The following RNF139 variants were observed in gnomAD, a reference collection of about 807,000 sequenced individuals.
RNF139 encodes the protein ring finger protein 139.
RNF139 carries 15 observed loss-of-function variants against 49.5 expected under a neutral mutation model. The observed-to-expected ratio is 0.30, with a 90% confidence interval of 0.20 to 0.47. The LOEUF (loss-of-function observed/expected upper bound fraction) is 0.47. Ranked by LOEUF, RNF139 falls within the 20% of genes least tolerant of loss-of-function variation. The pLI is 1.00. For synonymous variants in RNF139, 325 were observed against 300.9 expected, an observed-to-expected ratio of 1.08 and a Z score of -0.83; for missense variants, 619 against 806.3, an observed-to-expected ratio of 0.77 and a Z score of 2.81.
At chr8:124,476,294 T>C (rs375624416) in intron 1 of RNF139, among the ~76,000 whole-genome samples, 6 of 152,352 alleles carry the variant, frequency 3.9e-5, no homozygotes, top group African/African-American at 1.4e-4. Context: ...ATTTATCTGG[T>C]ATTTTCCTTT....
rs1000278197 is a variant in RNF139, at chr8:124,488,316, G to A, written c.*672G>A. On this transcript the variant is annotated 3_prime_UTR_variant, in exon 2 of 2. Transcript: ENST00000303545. ...AAATTGTATATTTGTTAGCCATTCT[G>A]TGTCTGCAGTATTGTCATAAAATTG... Among the ~76,000 whole-genome samples the A allele has an allele frequency of 6.6e-6, 1 of 152,186 alleles. No individual in the cohort carries two copies. The highest frequency in any genetic ancestry group is 1.5e-5 in the Non-Finnish European group (1 of 68,022).
rs777779465 is a variant in RNF139 at position 124,487,043 on chromosome 8, G to A, written c.1394G>A (p.Arg465His). The A allele has an allele frequency of 8.7e-6, 14 of 1,613,836 alleles. No homozygotes were observed. Among genetic ancestry groups the A allele is most frequent in the South Asian group, 7.7e-5 (7 of 91,082 alleles). ...CTTGACGATTATGTCTACTACGTTC[G>A]TTCAACAGGCAGTATTATTGAATTT... ...EKLDDYVYYVRSTGSIIEFIF... is the reference protein window; with the variant it reads ...EKLDDYVYYVHSTGSIIEFIF... The change falls in exon 2 of 2, where the codon CGT (arginine) becomes CAT (histidine). Residue 465 changes from arginine (R) to histidine (H), a missense_variant. Around this residue, in one of 2 missense-constraint regions of RNF139, gnomAD observed 530 missense variants for 728.9 expected, o/e 0.73. Transcript: ENST00000303545.
chr8:124,486,957 T>C lies in RNF139; in HGVS notation c.1308T>C (p.Val436=), dbSNP rs1165629696. ...TGGAACTGTGCTTAAAAGTAATTGT[T>C]TCTCTCACTGTTTATACGTTATTCA... The part of the protein sequence containing the change: ...FCVELCLKVI[V]SLTVYTLFMI... Residue 436 remains valine, a synonymous_variant, in exon 2 of 2, where the codon GTT becomes GTC. Transcript: ENST00000303545. 6.2e-7 allele frequency: 1 copy of C among 1,614,108 alleles called. No individual in the cohort carries two copies. Among genetic ancestry groups the C allele is most frequent in the African/African-American group, 1.3e-5 (1 of 75,040 alleles).
intron 1 of RNF139, among the ~76,000 whole-genome samples, chr8:124,479,168 G>A (rs1204213197): frequency 1.3e-5 from 2 of 150,556 alleles, no homozygotes; most frequent in Non-Finnish European, 3.0e-5. Context: ...TCAGCACACT[G>A]CAACCTCCAC....
intron 1 of RNF139, among the ~76,000 whole-genome samples, chr8:124,483,053 C>A (rs80027151): frequency 0.55 from 10,828 of 19,680 alleles, 1,967 homozygotes; most frequent in Middle Eastern, 0.64. Context: ...AAAAATATAT[C>A]TATTAAAAAT....
intron 1 of RNF139, among the ~76,000 whole-genome samples, chr8:124,485,041 C>T (rs1816505703): frequency 6.6e-6 from 1 of 152,094 alleles, no homozygotes; most frequent in Non-Finnish European, 1.5e-5. Context: ...AAAACTTGAA[C>T]TTGATTTCCT....
At position 124,486,882 on chromosome 8, in the gene RNF139, G is replaced by C; in HGVS notation, c.1233G>C (p.Trp411Cys). 1 of 1,613,658 alleles carries C rather than the reference G, an allele frequency of 6.2e-7. No individual in the cohort carries two copies. Among genetic ancestry groups the C allele is most frequent in the Non-Finnish European group, 8.5e-7 (1 of 1,179,972 alleles). The change falls in exon 2 of 2, where the codon TGG (tryptophan) becomes TGC (cysteine). Residue 411 changes from tryptophan (W) to cysteine (C), a missense_variant. This residue lies in a region of RNF139 where 530 missense variants were observed against 728.9 expected (regional missense o/e 0.73). Coordinates refer to ENST00000303545, the MANE Select transcript of RNF139 (RefSeq NM_007218.4). The part of the protein sequence containing the change: ...ILPVLLSYVL[W>C]HHYALNTWLF... ...CTGTCTTACTCAGTTATGTTCTTTG[G>C]CATCACTATGCACTAAATACATGGT...
chr8:124,477,197 C>T (rs144371700), intron 1 of RNF139, among the ~76,000 whole-genome samples: 3 of 152,266 alleles, frequency 2.0e-5, no homozygotes, highest in Admixed American at 1.3e-4. Flanking sequence ...ATCTCTGGAT[C>T]AGACTTTGAG....
chr8:124,476,379 T>C (rs1331695666), intron 1 of RNF139, among the ~76,000 whole-genome samples: 1 of 152,232 alleles, frequency 6.6e-6, no homozygotes, highest in Non-Finnish European at 1.5e-5. Context: ...GGTGGTATTG[T>C]CATTTTACAA....
chr8:124,487,835 G>C lies in RNF139; in HGVS notation c.*191G>C. The C allele has an allele frequency of 5.4e-6, 3 of 557,080 alleles. No homozygotes were observed. Among genetic ancestry groups the C allele is most frequent in the South Asian group, 5.6e-5 (2 of 35,470 alleles). The allele number at this position is 557,080 out of a possible 1,614,324, so 34.5% of individuals were successfully genotyped here. A position where few individuals can be genotyped will look rare whatever the true frequency, so the allele number is the denominator to read the frequency against. The stretch of plus-strand genomic sequence containing the variant: ...TCTTTAATTACTTCTGGTCTCTTTG[G>C]TGACCTGTTTAAATTTGTGTACATT... On this transcript the variant is annotated 3_prime_UTR_variant, in exon 2 of 2. Transcript: ENST00000303545.
intron 1 of RNF139, among the ~76,000 whole-genome samples, chr8:124,475,547 C>T (rs1420891199): frequency 6.6e-6 from 1 of 152,206 alleles, no homozygotes; most frequent in African/African-American, 2.4e-5. Context: ...GATGTGTGAG[C>T]ATGCAGCTCT....
Position 124,486,518 on chromosome 8 carries a change from CTG to C in RNF139, c.871_872del (p.Val291ThrfsTer26), listed in dbSNP as rs1193350245. 1.2e-6 allele frequency: 2 copies of C among 1,614,054 alleles called. No homozygotes were observed. The highest frequency in any genetic ancestry group is 1.7e-6 in the Non-Finnish European group (2 of 1,180,024). ...ATTAGTGGGTGCGATTCTACACTAA[CTG>C]TACTGGGCATGAGTGCTGTAATTTC... On this transcript the variant is annotated frameshift_variant, in exon 2 of 2. Transcript: ENST00000303545. LOFTEE classifies it high-confidence loss of function.
At chr8:124,482,990 T>A (rs565556490) in intron 1 of RNF139, among the ~76,000 whole-genome samples, 80 of 95,078 alleles carry the variant, frequency 8.4e-4, no homozygotes, top group African/African-American at 3.7e-3. Flanking sequence ...ATATATATAT[T>A]TAAAAATATA....
intron 1 of RNF139, among the ~76,000 whole-genome samples, chr8:124,485,121 T>A (rs1175533046): frequency 6.6e-6 from 1 of 152,050 alleles, no homozygotes; most frequent in African/African-American, 2.4e-5. Context: ...TCCCAGCACT[T>A]TGGGAGGCAA....
rs2131294424 is a variant in RNF139 at position 124,474,903 on chromosome 8, C to CCGT, written c.-205_-204insTCG. The stretch of plus-strand genomic sequence containing the variant: ...CCAGAGACCTCCTGGGGAGCCGCCG[C>CCGT]CGCCGCCCTCTCGGCCATCGCTGCC... On this transcript the variant is annotated 5_prime_UTR_variant, in exon 1 of 2. Transcript: ENST00000303545. This position sits in a 1 kb window ranked among gnomAD's most constrained non-coding sequence, Gnocchi z 4.6. 2 of 329,844 alleles carry CCGT rather than the reference C, an allele frequency of 6.1e-6. No homozygotes were observed. The highest frequency in any genetic ancestry group is 2.2e-5 in the African/African-American group (1 of 46,040). 20.4% of individuals were successfully genotyped at this position (329,844 alleles called of 1,614,324 possible).
rs1355929139 is a variant in RNF139 at position 124,475,171 on chromosome 8, C to T, written c.62C>T (p.Ala21Val). Residue 21 changes from alanine to valine, a missense_variant, in exon 1 of 2, where the codon GCG becomes GTG. By Grantham distance (64) the Ala-to-Val change is moderately conservative. Transcript: ENST00000303545. ...VRMAHQQVWA[A>V]LEVALRVPCL... ...ATGGCCCATCAGCAGGTCTGGGCGGCGCTCGAAGTGGCGCTCCGGGTGCCC... is the reference window on the plus strand; with the variant it reads ...ATGGCCCATCAGCAGGTCTGGGCGGTGCTCGAAGTGGCGCTCCGGGTGCCC... 1.2e-6 allele frequency: 2 copies of T among 1,613,412 alleles called. No individual in the cohort carries two copies. The highest frequency in any genetic ancestry group is 1.3e-5 in the African/African-American group (1 of 75,034).
Position 124,474,997 on chromosome 8 carries a change from G to A in RNF139, c.-113G>A. ...GCTGGCCGTGAGAGAGACAGGAGAG[G>A]AAGGAGGGCAGGGGCGGAGTTGCCC... On this transcript the variant is annotated 5_prime_UTR_variant, in exon 1 of 2. Coordinates refer to ENST00000303545, the MANE Select transcript of RNF139 (RefSeq NM_007218.4). This position sits in a 1 kb window ranked among gnomAD's most constrained non-coding sequence, Gnocchi z 4.6. The A allele has an allele frequency of 1.7e-6, 1 of 599,130 alleles. No individual in the cohort carries two copies. Among genetic ancestry groups the A allele is most frequent in the South Asian group, 7.8e-5 (1 of 12,786 alleles). The allele number at this position is 599,130 out of a possible 1,614,324, so 37.1% of individuals were successfully genotyped here.
rs551510814 is a variant in RNF139 at position 124,478,706 on chromosome 8, T to A, written c.181+3416T>A. Reference sequence around the variant, plus strand: ...TTTACCTTTTTGAAATAGGTAAATTTATACAATTTTGGAAGACTTTTTTTT... The same window carrying A: ...TTTACCTTTTTGAAATAGGTAAATTAATACAATTTTGGAAGACTTTTTTTT... On this transcript the variant is annotated intron_variant, in intron 1 of 1. Transcript: ENST00000303545. Among the ~76,000 whole-genome samples the A allele has an allele frequency of 7.2e-5, 11 of 152,072 alleles. No homozygotes were observed. In the South Asian group the frequency reaches 2.1e-3, roughly 29 times the overall value.
rs118184842 is a variant in RNF139, at chr8:124,487,598, A to G, written c.1949A>G (p.Gln650Arg). Residue 650 changes from glutamine to arginine, a missense_variant, in exon 2 of 2, where the codon CAG (glutamine) becomes CGG (arginine). Physicochemically the swap from Gln to Arg is conservative, Grantham distance 43 (BLOSUM62 1). Around this residue, in one of 2 missense-constraint regions of RNF139, gnomAD observed 530 missense variants for 728.9 expected, o/e 0.73. Coordinates refer to ENST00000303545, the MANE Select transcript of RNF139 (RefSeq NM_007218.4). Reference protein sequence around the residue: ...DVQRERNGVIQHTGAAAEEFN... With the variant: ...DVQRERNGVIRHTGAAAEEFN... ...CAAAGAGAAAGAAATGGAGTGATTC[A>G]GCACACAGGCGCAGCAGCTGAAGAA... 181 of 1,612,080 alleles carry G rather than the reference A, an allele frequency of 1.1e-4. No individual in the cohort carries two copies. The East Asian group carries it at 2.2e-3, about 19-fold the overall frequency.
Sources: gnomAD v4.1 joint callset for allele counts (sites outside exome capture counted in the v4.1 genomes callset) on GRCh38, gnomAD v4.1.1 for gene constraint, gnomAD v4.1.1 regional missense constraint, Gnocchi (gnomAD v3.1) non-coding constraint, MANE v1.5 for transcripts, NCBI Gene and HGNC (gene_info 2026-07-23, HGNC 2026-07-21) for gene names.